Variants in TGOLN2 observed in about 807,000 individuals in gnomAD.
TGOLN2 encodes the protein trans-golgi network protein 2, also known as trans-Golgi network integral membrane protein 2.
Under a neutral mutation model 31.3 loss-of-function variants are expected in TGOLN2, and 19 were observed. The ratio of observed to expected loss-of-function variants is 0.61; its 90% CI spans 0.42 to 0.89. TGOLN2 has a LOEUF of 0.89. Among genes scored for constraint, TGOLN2 ranks in the 40% least tolerant of loss-of-function variants. The pLI is 0.00. For synonymous variants in TGOLN2, 222 were observed against 226.7 expected (o/e 0.98, Z 0.19); for missense variants, 540 against 559.2 (o/e 0.97, Z 0.35).
intron 3 of TGOLN2, among the ~76,000 whole-genome samples, chr2:85,324,221 G>A (rs568490277): frequency 2.0e-5 from 3 of 152,168 alleles, no homozygotes; most frequent in East Asian, 3.9e-4. Flanking sequence ...TTGGGAGTTC[G>A]AGACCAGCCT....
chr2:85,327,504 G>A lies in TGOLN2; in HGVS notation c.228C>T (p.Thr76=), dbSNP rs76078295. The change falls in exon 2 of 4, where the codon ACC becomes ACT. Residue 76 remains threonine, a synonymous_variant. Transcript: ENST00000377386. ...SPSKSSAEAQ[T]PEDTPNKSGA... ...CCGACTTGTTGGGGGTGTCTTCTGG[G>A]GTCTGCGCCTCCGCACTCGACTTGC... 6.2e-7 allele frequency: 1 copy of A among 1,613,972 alleles called. No individual in the cohort carries two copies. Among genetic ancestry groups the A allele is most frequent in the Non-Finnish European group, 8.5e-7 (1 of 1,179,876 alleles).
At position 85,326,863 on chromosome 2, in the gene TGOLN2, G is replaced by C; in HGVS notation, c.869C>G (p.Ser290Cys). 6.2e-7 allele frequency: 1 copy of C among 1,614,042 alleles called. No homozygotes were observed. The highest frequency in any genetic ancestry group is 8.5e-7 in the Non-Finnish European group (1 of 1,179,896). ...AGATTCGGTTTTGAAAGCATGAGGAGAAAGCTTCCCTTTGTCAGCAAGCTG... is the reference window on the plus strand; with the variant it reads ...AGATTCGGTTTTGAAAGCATGAGGACAAAGCTTCCCTTTGTCAGCAAGCTG... ...TNQLADKGKL[S>C]PHAFKTESGE... Residue 290 changes from serine to cysteine, a missense_variant, in exon 2 of 4, where the codon TCT becomes TGT. Coordinates refer to ENST00000377386, the MANE Select transcript of TGOLN2 (RefSeq NM_006464.4).
Position 85,322,528 on chromosome 2 carries a change from C to T in TGOLN2, c.*208G>A, listed in dbSNP as rs1375975660. On this transcript the variant is annotated 3_prime_UTR_variant, in exon 4 of 4. Coordinates refer to ENST00000377386, the MANE Select transcript of TGOLN2 (RefSeq NM_006464.4). ...AGTGCAGGTGCAAAGCCCAAAGCAG[C>T]CCCCTACCTCTGCCAGCCCAGACCC... 6 of 993,808 alleles carry T rather than the reference C, an allele frequency of 6.0e-6. No individual in the cohort carries two copies. In the East Asian group the frequency reaches 1.1e-4, roughly 18 times the overall value. The allele number at this position is 993,808 out of a possible 1,614,324, so 61.6% of individuals were successfully genotyped here. A position where few individuals can be genotyped will look rare whatever the true frequency, so the allele number is the denominator to read the frequency against.
In TGOLN2 at chr2:85,327,047, G is replaced by C; in HGVS notation, c.685C>G (p.Gln229Glu). 3 of 1,613,158 alleles carry C rather than the reference G, an allele frequency of 1.9e-6. No homozygotes were observed. The highest frequency in any genetic ancestry group is 2.5e-6 in the Non-Finnish European group (3 of 1,179,566). ...TTGCTGGGCCCGTCTATTGGGCCCT[G>C]CTCCTCTGCACCGGACTTGTTAGAG... ...DGSNKSGAEEQGPIDGPSKSG... is the reference protein window; with the variant it reads ...DGSNKSGAEEEGPIDGPSKSG... The change falls in exon 2 of 4, where the codon CAG (glutamine) becomes GAG (glutamate). Residue 229 changes from glutamine (Q) to glutamate (E), a missense_variant. Coordinates refer to ENST00000377386, the MANE Select transcript of TGOLN2 (RefSeq NM_006464.4).
In TGOLN2 at chr2:85,319,594, A is replaced by C. The variant is rs914590349; in HGVS notation, c.*3142T>G. On this transcript the variant is annotated 3_prime_UTR_variant, in exon 4 of 4. Coordinates refer to ENST00000377386, the MANE Select transcript of TGOLN2 (RefSeq NM_006464.4). ...CTCTGTGGACTCCGTGACAAAATGT[A>C]CGCGTCCACTGCCGACCCTCTTGGT... The C allele has an allele frequency of 3.3e-5, 5 of 152,168 alleles. No individual in the cohort carries two copies. The highest frequency in any genetic ancestry group is 5.9e-5 in the Non-Finnish European group (4 of 68,028). 9.4% of individuals were successfully genotyped at this position (152,168 alleles called of 1,614,324 possible).
intron 1 of TGOLN2, 63 bp from the exon 2 acceptor site, chr2:85,327,748 C>A: frequency 7.9e-7 from 1 of 1,272,808 alleles, no homozygotes; most frequent in Non-Finnish European, 1.0e-6. Flanking sequence ...CTCCTCAGAA[C>A]TGGAAGAGAT....
chr2:85,322,908 A>G, intron 3 of TGOLN2, 167 bp from the exon 4 acceptor site: 1 of 1,209,772 alleles, frequency 8.3e-7, no homozygotes, highest in Non-Finnish European at 1.1e-6. Context: ...ATGGAGAGAG[A>G]GGAATCCTGG....
rs770353982 is a variant in TGOLN2 at position 85,326,546 on chromosome 2, C to G, written c.1186G>C (p.Val396Leu). 6.2e-7 allele frequency: 1 copy of G among 1,613,936 alleles called. No individual in the cohort carries two copies. The highest frequency in any genetic ancestry group is 1.1e-5 in the South Asian group (1 of 91,084). Residue 396 changes from valine (V) to leucine (L), a missense_variant, in exon 2 of 4, where the codon GTG (valine) becomes CTG (leucine). Physicochemically the swap from Val to Leu is conservative, Grantham distance 32 (BLOSUM62 1). Transcript: ENST00000377386. ...TGATGAGCGATATAGAGGACAGCCA[C>G]AAGAATGGCTGCAGTCACCAGATAT... ...FAYLVTAAIL[V>L]AVLYIAHHNK...
rs1452158246 is a variant in TGOLN2 at position 85,327,194 on chromosome 2, T to C, written c.538A>G (p.Asn180Asp). 2 of 1,613,358 alleles carry C rather than the reference T, an allele frequency of 1.2e-6. No individual in the cohort carries two copies. The highest frequency in any genetic ancestry group is 1.7e-5 in the Admixed American group (1 of 59,982). Reference protein sequence around the residue: ...SEAQTTKDVPNKSGADGQTPK... With the variant: ...SEAQTTKDVPDKSGADGQTPK... Reference sequence around the variant, plus strand: ...GTCTGGCCGTCCGCACCCGACTTATTAGGGACATCTTTTGTGGTCTGCGCC... The same window carrying C: ...GTCTGGCCGTCCGCACCCGACTTATCAGGGACATCTTTTGTGGTCTGCGCC... The change falls in exon 2 of 4, where the codon AAT becomes GAT. Residue 180 changes from asparagine (N) to aspartate (D), a missense_variant. Coordinates refer to ENST00000377386, the MANE Select transcript of TGOLN2 (RefSeq NM_006464.4).
At position 85,327,423 on chromosome 2, in the gene TGOLN2, C is replaced by T. The variant is rs1573051518; in HGVS notation, c.309G>A (p.Lys103=). The T allele has an allele frequency of 6.2e-7, 1 of 1,612,226 alleles. No individual in the cohort carries two copies. The highest frequency in any genetic ancestry group is 8.5e-7 in the Non-Finnish European group (1 of 1,179,254). The change falls in exon 2 of 4, where the codon AAG becomes AAA. Residue 103 remains lysine (K), a synonymous_variant. Coordinates refer to ENST00000377386, the MANE Select transcript of TGOLN2 (RefSeq NM_006464.4). The part of the protein sequence containing the change: ...DSSNKSGAEA[K]TQKGSTSKSG... ...ACTTGCTAGTGCTGCCTTTTTGGGT[C>T]TTTGCCTCCGCACCCGACTTGTTGG... is the stretch of plus-strand genomic sequence containing the variant.
rs753223937 is a variant in TGOLN2 at position 85,327,187 on chromosome 2, G to GA, written c.544dup (p.Ser182PhefsTer27). 1 of 1,613,386 alleles carries GA rather than the reference G, an allele frequency of 6.2e-7. No homozygotes were observed. The highest frequency in any genetic ancestry group is 1.1e-5 in the South Asian group (1 of 91,042). On this transcript the variant is annotated frameshift_variant, in exon 2 of 4. Coordinates refer to ENST00000377386, the MANE Select transcript of TGOLN2 (RefSeq NM_006464.4). LOFTEE classifies it high-confidence loss of function. ...TTTTGGGGTCTGGCCGTCCGCACCC[G>GA]ACTTATTAGGGACATCTTTTGTGGT...
chr2:85,319,553 C>T lies in TGOLN2; in HGVS notation c.*3183G>A, dbSNP rs1331272273. ...CACAAGCAATGATACTTCTCAGAGT[C>T]TGCTCAAAAGCTCAGCTCTGTGGAC... is the stretch of plus-strand genomic sequence containing the variant. On this transcript the variant is annotated 3_prime_UTR_variant, in exon 4 of 4. Coordinates refer to ENST00000377386, the MANE Select transcript of TGOLN2 (RefSeq NM_006464.4). 2 of 152,200 alleles carry T rather than the reference C, an allele frequency of 1.3e-5. No individual in the cohort carries two copies. The highest frequency in any genetic ancestry group is 2.9e-5 in the Non-Finnish European group (2 of 68,022). 9.4% of individuals were successfully genotyped at this position (152,200 alleles called of 1,614,324 possible). A position where few individuals can be genotyped will look rare whatever the true frequency, so the allele number is the denominator to read the frequency against.
intron 3 of TGOLN2, 65 bp downstream of exon 3, chr2:85,324,850 C>G (rs1481145298): frequency 7.0e-7 from 1 of 1,420,986 alleles, no homozygotes; most frequent in Non-Finnish European, 9.7e-7. Flanking sequence ...AAGCCCACTA[C>G]TGGGTCCATC....
rs1305420287 is a variant in TGOLN2 at position 85,326,670 on chromosome 2, G to A, written c.1062C>T (p.Asn354=). 81 of 1,613,910 alleles carry A rather than the reference G, an allele frequency of 5.0e-5. No individual in the cohort carries two copies. Among genetic ancestry groups the A allele is most frequent in the Non-Finnish European group, 6.8e-5 (80 of 1,179,902 alleles). Residue 354 remains asparagine, a synonymous_variant, in exon 2 of 4, where the codon AAC becomes AAT. Coordinates refer to ENST00000377386, the MANE Select transcript of TGOLN2 (RefSeq NM_006464.4). The part of the protein sequence containing the change: ...EKMSGSASSE[N]REGTLSDSTG... ...TGGAATCCGAAAGTGTCCCTTCACG[G>A]TTCTCACTGGAGGCAGAACCGGACA...
Position 85,326,723 on chromosome 2 carries a change from A to G in TGOLN2, c.1009T>C (p.Ser337Pro), listed in dbSNP as rs1184901644. The G allele has an allele frequency of 1.2e-6, 2 of 1,613,848 alleles. No individual in the cohort carries two copies. Among genetic ancestry groups the G allele is most frequent in the Non-Finnish European group, 1.7e-6 (2 of 1,179,884 alleles). ...EDDDTGPEEG[S>P]PPKEEKEKMS... ...TTTTCTTTCTCTTCTTTGGGCGGTG[A>G]GCCCTCCTCGGGTCCTGTATCATCA... Residue 337 changes from serine (S) to proline (P), a missense_variant, in exon 2 of 4, where the codon TCA becomes CCA. Ser to Pro is a moderately conservative substitution (Grantham distance 74). Coordinates refer to ENST00000377386, the MANE Select transcript of TGOLN2 (RefSeq NM_006464.4).
intron 3 of TGOLN2, chr2:85,324,535 A>T: frequency 3.1e-6 from 1 of 321,384 alleles, no homozygotes; most frequent in Non-Finnish European, 5.7e-6. Flanking sequence ...AAGTTTATGG[A>T]GCGCTGGCAG....
rs1200525185 is a variant in TGOLN2, at chr2:85,318,569, G to C, written c.*4167C>G. The C allele has an allele frequency of 6.6e-6, 1 of 152,268 alleles. No homozygotes were observed. The highest frequency in any genetic ancestry group is 1.9e-4 in the East Asian group (1 of 5,200). 9.4% of individuals were successfully genotyped at this position (152,268 alleles called of 1,614,324 possible). On this transcript the variant is annotated 3_prime_UTR_variant, in exon 4 of 4. Coordinates refer to ENST00000377386, the MANE Select transcript of TGOLN2 (RefSeq NM_006464.4). ...TCAGAAAATGGCCTGCAGAAGCACAGGATCTGGTGCCTCACAGTTTCCTCC... is the reference window on the plus strand; with the variant it reads ...TCAGAAAATGGCCTGCAGAAGCACACGATCTGGTGCCTCACAGTTTCCTCC...
At position 85,318,366 on chromosome 2, in the gene TGOLN2, A is replaced by G. The variant is rs931057882; in HGVS notation, c.*4370T>C. On this transcript the variant is annotated 3_prime_UTR_variant, in exon 4 of 4. Coordinates refer to ENST00000377386, the MANE Select transcript of TGOLN2 (RefSeq NM_006464.4). ...TGGCTTACTGGCAGTTTGACATACT[A>G]TACAGCTCAGACCCAAACCCTTCAC... The G allele has an allele frequency of 6.6e-6, 1 of 152,222 alleles. No individual in the cohort carries two copies. The highest frequency in any genetic ancestry group is 1.5e-5 in the Non-Finnish European group (1 of 68,044). The allele number at this position is 152,222 out of a possible 1,614,324, so 9.4% of individuals were successfully genotyped here. A position where few individuals can be genotyped will look rare whatever the true frequency, so the allele number is the denominator to read the frequency against.
Position 85,319,949 on chromosome 2 carries a change from T to C in TGOLN2, c.*2787A>G, listed in dbSNP as rs892766415. ...TGGCATGATGAAGAGCTGGTGGAGC[T>C]GAGGGAAAGAGTCAACCATGTGGGG... On this transcript the variant is annotated 3_prime_UTR_variant, in exon 4 of 4. Coordinates refer to ENST00000377386, the MANE Select transcript of TGOLN2 (RefSeq NM_006464.4). 1.3e-5 allele frequency: 2 copies of C among 152,316 alleles called. No individual in the cohort carries two copies. Among genetic ancestry groups the C allele is most frequent in the Non-Finnish European group, 2.9e-5 (2 of 68,204 alleles). 9.4% of individuals were successfully genotyped at this position (152,316 alleles called of 1,614,324 possible).
Sources: allele counts gnomAD v4.1 joint callset (sites outside exome capture counted in the v4.1 genomes callset), GRCh38; gene constraint gnomAD v4.1.1; transcripts MANE v1.5; gene names NCBI Gene and HGNC (gene_info 2026-07-23, HGNC 2026-07-21).